SMC6: variants seen among roughly 807,000 people sequenced by gnomAD.
SMC6 encodes the protein structural maintenance of chromosomes protein 6.
Under a neutral mutation model 142.2 loss-of-function variants are expected in SMC6, and 79 were observed. The observed-to-expected ratio is 0.56, with a 90% CI of 0.46 to 0.67. The LOEUF is 0.67. SMC6 is among the 30% of genes least tolerant of loss of function. SMC6 has a pLI of 0.00. For synonymous variants in SMC6, 411 were observed against 412.4 expected, an observed-to-expected ratio of 1.00 and a Z score of 0.04; for missense variants, 1,072 against 1,284.0, an observed-to-expected ratio of 0.83 and a Z score of 2.52.
chr2:17,739,187 T>C (rs1287679514), intron 4 of SMC6, among the ~76,000 whole-genome samples: 3 of 152,182 alleles, frequency 2.0e-5, no homozygotes, highest in Admixed American at 6.5e-5. Flanking sequence ...AGAAGTGTAC[T>C]TCTTTATACC....
chr2:17,731,996 TA>T, intron 5 of SMC6, 119 bp from the exon 6 acceptor site: 1 of 959,920 alleles, frequency 1.0e-6, no homozygotes, highest in Non-Finnish European at 1.5e-6. Flanking sequence ...ATTTGCAAAT[TA>T]GATTTACATC....
chr2:17,713,410 G>A (rs1303208441), intron 16 of SMC6: 30 of 463,136 alleles, frequency 6.5e-5, no homozygotes, highest in Non-Finnish European at 1.8e-5. Context: ...CTGGCATTAT[G>A]ACACATACAC....
At chr2:17,720,465 C>T (rs886970748) in intron 11 of SMC6, among the ~76,000 whole-genome samples, 15 of 152,186 alleles carry the variant, frequency 9.9e-5, no homozygotes, top group African/African-American at 3.1e-4. Flanking sequence ...CTCTGACATG[C>T]CATCTTGGTT....
At chr2:17,692,584 A>AC (rs1667783634) in intron 23 of SMC6, among the ~76,000 whole-genome samples, 1 of 152,202 alleles carries the variant, frequency 6.6e-6, no homozygotes, top group Non-Finnish European at 1.5e-5. Flanking sequence ...TACATGTTAG[A>AC]CCTAAAACCA....
chr2:17,696,112 C>G (rs936048032), intron 22 of SMC6, among the ~76,000 whole-genome samples, 177 bp downstream of exon 22: 17 of 152,196 alleles, frequency 1.1e-4, no homozygotes, highest in African/African-American at 4.1e-4. Context: ...TTTAAGTCCT[C>G]ACACTCTGAG....
intron 5 of SMC6, among the ~76,000 whole-genome samples, chr2:17,736,826 T>G (rs915426994): frequency 1.3e-5 from 2 of 151,984 alleles, no homozygotes; most frequent in African/African-American, 4.8e-5. Context: ...GAGCCAAGAC[T>G]GTACTACTGC....
chr2:17,728,416 A>G lies in SMC6; in HGVS notation c.544-1947T>C, dbSNP rs199611523. On this transcript the variant is annotated intron_variant, in intron 7 of 27. Transcript: ENST00000448223. Reference sequence around the variant, plus strand: ...GCTGCTGCATTCCAGCCTGGGCGACAGAGTGAGACCCTGTCCCAAGGCTCA... The same window carrying G: ...GCTGCTGCATTCCAGCCTGGGCGACGGAGTGAGACCCTGTCCCAAGGCTCA... Among the ~76,000 whole-genome samples, 4 of 152,276 alleles carry G rather than the reference A, an allele frequency of 2.6e-5. No individual in the cohort carries two copies. In the East Asian group the frequency reaches 5.8e-4, roughly 22 times the overall value.
In SMC6 at chr2:17,745,839, T is replaced by C. The variant is rs747597554; in HGVS notation, c.108A>G (p.Lys36=). Residue 36 remains lysine, a synonymous_variant, in exon 3 of 28, where the codon AAA becomes AAG. Coordinates refer to ENST00000448223, the MANE Select transcript of SMC6 (RefSeq NM_001142286.2). ...FDKDGDEDEC[K]GTTLTAAEVG... is the part of the protein sequence containing the mutation. ...ATTTTTCGCTTACCAAAGTAGTACC[T>C]TTACATTCGTCTTCGTCACCATCTT... 1 of 1,610,846 alleles carries C rather than the reference T, an allele frequency of 6.2e-7. No individual in the cohort carries two copies. Among genetic ancestry groups the C allele is most frequent in the Non-Finnish European group, 8.5e-7 (1 of 1,178,926 alleles).
At chr2:17,724,764 C>T (rs1483493477) in intron 9 of SMC6, among the ~76,000 whole-genome samples, 4 of 152,176 alleles carry the variant, frequency 2.6e-5, no homozygotes, top group Non-Finnish European at 5.9e-5. Flanking sequence ...CTGCTACTAA[C>T]CTACCAGTTG....
In SMC6 at chr2:17,717,400, T is replaced by A. The variant is rs185610838; in HGVS notation, c.1093-224A>T. On this transcript the variant is annotated intron_variant, in intron 12 of 27. Transcript: ENST00000448223. ...CTTTAAAAAATAGAAGGCCAGGTGC[T>A]GTGGCTCACGCCTGTAATCCCAGCA... Among the ~76,000 whole-genome samples the A allele has an allele frequency of 2.3e-3, 345 of 152,298 alleles. 2 individuals are homozygous for A. Among genetic ancestry groups the A allele is most frequent in the Non-Finnish European group, 2.9e-3 (195 of 68,016 alleles).
chr2:17,739,865 CAGAGAATATGGTAA>C (rs1465211906), intron 4 of SMC6, among the ~76,000 whole-genome samples: 4 of 133,920 alleles, frequency 3.0e-5, no homozygotes, highest in South Asian at 2.6e-4. Context: ...CACACACACA[CAGAGAATATGGTAA>C]ACACACACAC....
chr2:17,733,558 C>T (rs1025417946), intron 5 of SMC6, among the ~76,000 whole-genome samples: 1 of 152,146 alleles, frequency 6.6e-6, no homozygotes, highest in Non-Finnish European at 1.5e-5. Context: ...GAAAATTGTA[C>T]TATCTTTGCA....
At chr2:17,688,808 C>T (rs972016852) in intron 23 of SMC6, among the ~76,000 whole-genome samples, 1 of 152,062 alleles carries the variant, frequency 6.6e-6, no homozygotes, top group African/African-American at 2.4e-5. Flanking sequence ...TTGCAAAGTC[C>T]ATATTGCAAA....
chr2:17,686,973 A>C (rs902632776), intron 23 of SMC6, among the ~76,000 whole-genome samples: 1 of 152,198 alleles, frequency 6.6e-6, no homozygotes, highest in Non-Finnish European at 1.5e-5. Flanking sequence ...AACATAAATG[A>C]ATTTTTGTGT....
At chr2:17,750,363 C>T (rs925484664) in intron 2 of SMC6, among the ~76,000 whole-genome samples, 2 of 152,226 alleles carry the variant, frequency 1.3e-5, no homozygotes, top group Non-Finnish European at 2.9e-5. Flanking sequence ...TGCTGAATAA[C>T]TACATACTTA....
chr2:17,736,880 G>T (rs1670181186), intron 5 of SMC6, among the ~76,000 whole-genome samples: 2 of 149,156 alleles, frequency 1.3e-5, no homozygotes, highest in African/African-American at 5.0e-5. Flanking sequence ...TCAAAAAAAA[G>T]AATTTCTCAT....
chr2:17,701,066 T>C (rs1471768038), intron 20 of SMC6, among the ~76,000 whole-genome samples: 1 of 126,726 alleles, frequency 7.9e-6, no homozygotes, highest in African/African-American at 3.2e-5. Context: ...ATAATAATAA[T>C]AATACAAAAA....
intron 19 of SMC6, among the ~76,000 whole-genome samples, chr2:17,702,359 C>T (rs564598332): frequency 9.9e-5 from 15 of 152,120 alleles, no homozygotes; most frequent in Admixed American, 9.8e-4. Context: ...TTAGCATTTT[C>T]TCATGAGTAT....
intron 16 of SMC6, among the ~76,000 whole-genome samples, chr2:17,712,386 A>G (rs1056277243): frequency 6.6e-6 from 1 of 152,208 alleles, no homozygotes; most frequent in African/African-American, 2.4e-5. Flanking sequence ...AGAGTCAGGC[A>G]AGAAAGTATG....
Sources: allele counts gnomAD v4.1 joint callset (sites outside exome capture counted in the v4.1 genomes callset), GRCh38; gene constraint gnomAD v4.1.1; transcripts MANE v1.5; gene names NCBI Gene and HGNC (gene_info 2026-07-23, HGNC 2026-07-21).